PDE11A: variants seen among roughly 807,000 people sequenced by gnomAD.
PDE11A encodes the protein phosphodiesterase 11A, also known as dual 3',5'-cyclic-AMP and -GMP phosphodiesterase 11A.
Under a neutral mutation model 100.5 loss-of-function variants are expected in PDE11A, and 100 were observed. The observed-to-expected ratio is 1.00, with a 90% CI of 0.85 to 1.18. The LOEUF is 1.18. Ranked by LOEUF, PDE11A falls within the 50% of genes most tolerant of loss-of-function variation. The pLI is 0.00. For missense variants in PDE11A, 1,141 were observed against 1,152.6 expected, an observed-to-expected ratio of 0.99 and a Z score of 0.15; for synonymous variants, 381 against 420.8, an observed-to-expected ratio of 0.91 and a Z score of 1.16.
In PDE11A at chr2:177,892,025, GA is replaced by G. The variant is rs533723065; in HGVS notation, c.1302+6032del. 9.6e-3 allele frequency among the ~76,000 whole-genome samples: 1,458 copies of G among 152,232 alleles called. 9 individuals are homozygous for G. The highest frequency in any genetic ancestry group is 0.016 in the Non-Finnish European group (1,066 of 67,998). ...GAGATACAAGTCATTCTCTCCAAAA[GA>G]AAAGATAATCTTGAAGATTATAGTT... On this transcript the variant is annotated intron_variant, in intron 4 of 19. Transcript: ENST00000286063.
At chr2:177,631,012 T>C (rs2079910334) in intron 19 of PDE11A, among the ~76,000 whole-genome samples, 2 of 152,118 alleles carry the variant, frequency 1.3e-5, no homozygotes, top group Non-Finnish European at 2.9e-5. Context: ...AGTAACATGT[T>C]AGTGTTAGAA....
At chr2:177,727,382 C>T (rs1225061912) in intron 12 of PDE11A, among the ~76,000 whole-genome samples, 1 of 152,078 alleles carries the variant, frequency 6.6e-6, no homozygotes, top group Non-Finnish European at 1.5e-5. Context: ...AAAATCTGAG[C>T]ATTTCTTTTG....
chr2:177,821,612 A>G (rs2083141818), intron 6 of PDE11A, among the ~76,000 whole-genome samples: 1 of 151,862 alleles, frequency 6.6e-6, no homozygotes, highest in Non-Finnish European at 1.5e-5. Flanking sequence ...GTTGATTTAT[A>G]TCATCACCAA....
chr2:177,710,791 T>C (rs1020790174), intron 13 of PDE11A, among the ~76,000 whole-genome samples: 2 of 152,152 alleles, frequency 1.3e-5, no homozygotes, highest in Non-Finnish European at 2.9e-5. Flanking sequence ...AGTGGGTAGA[T>C]GTTTGGAGGA....
intron 10 of PDE11A, among the ~76,000 whole-genome samples, chr2:177,735,320 C>A (rs1574090909): frequency 6.6e-6 from 1 of 151,730 alleles, no homozygotes; most frequent in South Asian, 2.1e-4. Context: ...GAGAATGTAT[C>A]AAAACCTAAG....
chr2:177,708,724 G>C (rs1313245703), intron 13 of PDE11A, among the ~76,000 whole-genome samples: 1 of 152,208 alleles, frequency 6.6e-6, no homozygotes, highest in Non-Finnish European at 1.5e-5. Flanking sequence ...TGTAGTTAAA[G>C]ATATCTCATC....
At chr2:177,893,888 T>C (rs1294096319) in intron 4 of PDE11A, among the ~76,000 whole-genome samples, 1 of 152,290 alleles carries the variant, frequency 6.6e-6, no homozygotes, top group East Asian at 1.9e-4. Flanking sequence ...AATATACCTA[T>C]TATTGAAATA....
intron 5 of PDE11A, among the ~76,000 whole-genome samples, chr2:177,848,060 A>T (rs977534508): frequency 2.0e-5 from 3 of 152,198 alleles, no homozygotes; most frequent in African/African-American, 7.2e-5. Context: ...AAAATGGCAT[A>T]GAATTCTTAG....
intron 4 of PDE11A, among the ~76,000 whole-genome samples, chr2:177,897,631 T>C (rs781572768): frequency 2.6e-5 from 4 of 152,206 alleles, no homozygotes; most frequent in Non-Finnish European, 4.4e-5. Flanking sequence ...ATTTGTTTGC[T>C]TCCTCCTTGC....
chr2:177,663,900 T>C lies in PDE11A; in HGVS notation c.2612A>G (p.Glu871Gly). ...RKDELPRLQL[E>G]WIDSICMPLY... Reference sequence around the variant, plus strand: ...AGGCATGCAGATGCTATCAATCCACTCCAGTTGCAACCGAGGCAGTTCATC... The same window carrying C: ...AGGCATGCAGATGCTATCAATCCACCCCAGTTGCAACCGAGGCAGTTCATC... Residue 871 changes from glutamate to glycine, a missense_variant, in exon 19 of 20, where the codon GAG becomes GGG. Physicochemically the swap from Glu to Gly is moderately conservative, Grantham distance 98 (BLOSUM62 -2). Coordinates refer to ENST00000286063, the MANE Select transcript of PDE11A (RefSeq NM_016953.4). The C allele has an allele frequency of 6.2e-7, 1 of 1,611,196 alleles. No individual in the cohort carries two copies. Among genetic ancestry groups the C allele is most frequent in the Non-Finnish European group, 8.5e-7 (1 of 1,177,384 alleles).
At chr2:177,929,399 C>T (rs1286946806) in intron 2 of PDE11A, among the ~76,000 whole-genome samples, 3 of 152,188 alleles carry the variant, frequency 2.0e-5, no homozygotes, top group Non-Finnish European at 4.4e-5. Flanking sequence ...CAGACCTAAA[C>T]AGATATTTAG....
intron 18 of PDE11A, among the ~76,000 whole-genome samples, chr2:177,666,242 C>A (rs1398657935): frequency 6.6e-6 from 1 of 152,198 alleles, no homozygotes; most frequent in Non-Finnish European, 1.5e-5. Context: ...CATGCATCAG[C>A]ACTTCATTCA....
intron 2 of PDE11A, chr2:177,997,810 G>A (rs556347795): frequency 3.1e-6 from 4 of 1,301,078 alleles, no homozygotes; most frequent in East Asian, 4.6e-5. Flanking sequence ...TTCTTCTGGA[G>A]GGAGGGGCAT....
At chr2:177,684,289 A>G (rs1412968843) in intron 15 of PDE11A, among the ~76,000 whole-genome samples, 2 of 152,238 alleles carry the variant, frequency 1.3e-5, no homozygotes, top group Admixed American at 6.5e-5. Context: ...AATATTAATG[A>G]GAATAATAAT....
intron 2 of PDE11A, among the ~76,000 whole-genome samples, chr2:177,922,342 C>T (rs775232216): frequency 6.3e-4 from 96 of 152,142 alleles, no homozygotes; most frequent in Non-Finnish European, 1.2e-3. Context: ...ACCCTCTTGA[C>T]GAGTTAATGG....
chr2:177,899,705 T>A (rs1454952775), intron 3 of PDE11A: 1 of 183,708 alleles, frequency 5.4e-6, no homozygotes, highest in Non-Finnish European at 1.2e-5. Flanking sequence ...ATTACATATA[T>A]AATATAAATA....
intron 12 of PDE11A, among the ~76,000 whole-genome samples, chr2:177,721,080 C>A (rs1370085593): frequency 6.6e-6 from 1 of 152,046 alleles, no homozygotes; most frequent in Admixed American, 6.6e-5. Context: ...TTATTATATT[C>A]TATTACATTT....
At chr2:177,765,073 T>A (rs996818618) in intron 10 of PDE11A, among the ~76,000 whole-genome samples, 4 of 152,166 alleles carry the variant, frequency 2.6e-5, no homozygotes, top group Admixed American at 6.5e-5. Context: ...TCTAGAAAGG[T>A]TTTCACACTC....
chr2:177,738,837 G>A (rs1008714312), intron 10 of PDE11A, among the ~76,000 whole-genome samples: 30 of 152,168 alleles, frequency 2.0e-4, no homozygotes, highest in Admixed American at 7.9e-4. Flanking sequence ...GAGAGAACTT[G>A]TTCACCAGCA....
Sources: gnomAD v4.1 joint callset for allele counts (sites outside exome capture counted in the v4.1 genomes callset) on GRCh38, gnomAD v4.1.1 for gene constraint, MANE v1.5 for transcripts, NCBI Gene and HGNC (gene_info 2026-07-23, HGNC 2026-07-21) for gene names.